Variants in EPHA6 observed in about 807,000 individuals in gnomAD.
EPHA6 encodes ephrin type-A receptor 6.
Under a neutral mutation model 112.0 loss-of-function variants are expected in EPHA6, and 50 were observed. The observed-to-expected ratio is 0.45, with a 90% CI of 0.36 to 0.56. EPHA6 has a LOEUF of 0.56. Ranked by LOEUF, EPHA6 falls within the 20% of genes least tolerant of loss-of-function variation. The probability of loss-of-function intolerance (pLI) is 0.00; values close to 1 mark genes in which losing one functional copy is unlikely to be tolerated. For synonymous variants in EPHA6, 529 were observed against 490.7 expected (o/e 1.08, Z -1.03); for missense variants, 1,280 against 1,417.4 (o/e 0.90, Z 1.56).
At chr3:97,282,768 A>G (rs1047057311) in intron 5 of EPHA6, among the ~76,000 whole-genome samples, 3 of 152,222 alleles carry the variant, frequency 2.0e-5, no homozygotes, top group South Asian at 2.1e-4. Context: ...GTTCTCACTC[A>G]TAAGTGGAGC....
intron 4 of EPHA6, among the ~76,000 whole-genome samples, chr3:97,242,430 A>G (rs890570184): frequency 6.6e-6 from 1 of 151,880 alleles, no homozygotes; most frequent in African/African-American, 2.4e-5. Context: ...CTTTCTCAGA[A>G]TGTTACCTAA....
At chr3:96,960,677 A>T (rs1309401167) in intron 2 of EPHA6, among the ~76,000 whole-genome samples, 1 of 152,150 alleles carries the variant, frequency 6.6e-6, no homozygotes, top group African/African-American at 2.4e-5. Flanking sequence ...TGGATTCTCT[A>T]GTGTTGTTTA....
chr3:96,970,085 T>C (rs1377494897), intron 2 of EPHA6, among the ~76,000 whole-genome samples: 1 of 151,996 alleles, frequency 6.6e-6, no homozygotes, highest in African/African-American at 2.4e-5. Flanking sequence ...AGTGATTTTA[T>C]TGAATCTGTA....
chr3:97,249,766 C>A lies in EPHA6; in HGVS notation c.1606+5479C>A, dbSNP rs879742573. ...ATTGCCTATAACAATAAATCTCTACCCACTGCATTAATAGAGATTGAAGAT... is the reference window on the plus strand; with the variant it reads ...ATTGCCTATAACAATAAATCTCTACACACTGCATTAATAGAGATTGAAGAT... On this transcript the variant is annotated intron_variant, in intron 5 of 17. Transcript: ENST00000389672. 3.1e-4 allele frequency among the ~76,000 whole-genome samples: 47 copies of A among 152,208 alleles called. 1 individual carries two copies. The highest frequency in any genetic ancestry group is 2.0e-3 in the Admixed American group (31 of 15,292).
chr3:97,295,101 A>G (rs1258029845), intron 5 of EPHA6, among the ~76,000 whole-genome samples: 1 of 152,092 alleles, frequency 6.6e-6, no homozygotes, highest in Non-Finnish European at 1.5e-5. Context: ...GAGTTTCTAT[A>G]TCTGGATGAT....
At position 97,447,067 on chromosome 3, in the gene EPHA6, T is replaced by A. The variant is rs181866417; in HGVS notation, c.1732-1501T>A. On this transcript the variant is annotated intron_variant, in intron 6 of 17. Transcript: ENST00000389672. ...TAATAAGCAGTTTTATTATTTGGGG[T>A]ATAAATGGCAAATTCAATTCTTTAG... is the stretch of plus-strand genomic sequence containing the variant. 2.6e-5 allele frequency among the ~76,000 whole-genome samples: 4 copies of A among 152,256 alleles called. No homozygotes were observed. In the East Asian group the frequency reaches 7.7e-4, roughly 29 times the overall value.
intron 1 of EPHA6, among the ~76,000 whole-genome samples, chr3:96,866,042 AAAT>A (rs2036289836): frequency 1.3e-5 from 2 of 152,054 alleles, no homozygotes; most frequent in African/African-American, 4.8e-5. Flanking sequence ...AAATAAAAAA[AAAT>A]CTTATCATAT....
At chr3:96,980,128 T>A (rs1341638552) in intron 2 of EPHA6, among the ~76,000 whole-genome samples, 3 of 152,218 alleles carry the variant, frequency 2.0e-5, no homozygotes, top group Non-Finnish European at 2.9e-5. Context: ...TCCTTGCCCA[T>A]GCCTATGTCC....
chr3:97,528,213 C>T (rs550903112), intron 10 of EPHA6, among the ~76,000 whole-genome samples: 3 of 152,020 alleles, frequency 2.0e-5, no homozygotes, highest in Non-Finnish European at 4.4e-5. Context: ...CTCAAAGTAG[C>T]CTGAGGTTCG....
intron 3 of EPHA6, among the ~76,000 whole-genome samples, chr3:97,001,450 TGTTCTCA>T: frequency 6.6e-6 from 1 of 152,076 alleles, no homozygotes; most frequent in Middle Eastern, 3.4e-3. Context: ...AAATTACTGG[TGTTCTCA>T]GTTATTCATG....
intron 5 of EPHA6, 51 bp downstream of exon 5, chr3:97,244,338 C>T: frequency 2.0e-6 from 3 of 1,474,884 alleles, no homozygotes; most frequent in Non-Finnish European, 2.8e-6. Flanking sequence ...TCTTTTGATG[C>T]ATAAATATCC....
chr3:97,213,997 C>CTGTG (rs10557927), intron 3 of EPHA6, among the ~76,000 whole-genome samples: 1,684 of 128,892 alleles, frequency 0.013, 27 homozygotes, highest in African/African-American at 0.037. Context: ...CTCATGTGTT[C>CTGTG]TGTGTGTGTG....
intron 11 of EPHA6, among the ~76,000 whole-genome samples, chr3:97,535,068 G>A (rs984241812): frequency 6.6e-5 from 9 of 135,926 alleles, no homozygotes; most frequent in Non-Finnish European, 1.1e-4. Context: ...ACACACACAC[G>A]AAAAGGAAAA....
Position 96,932,920 on chromosome 3 carries a change from A to T in EPHA6, c.451-54410A>T, listed in dbSNP as rs187174795. Among the ~76,000 whole-genome samples, 73 of 152,174 alleles carry T rather than the reference A, an allele frequency of 4.8e-4. 2 individuals carry two copies. Among genetic ancestry groups the T allele is most frequent in the African/African-American group, 1.1e-3 (44 of 41,526 alleles). On this transcript the variant is annotated intron_variant, in intron 2 of 17. Transcript: ENST00000389672. ...TGCTTCTCTATGTATGATCTGAAAA[A>T]TTTTTTTTAATTTACTATAGGATTT...
At chr3:96,821,951 A>G (rs2033291084) in intron 1 of EPHA6, among the ~76,000 whole-genome samples, 1 of 151,778 alleles carries the variant, frequency 6.6e-6, no homozygotes, top group Non-Finnish European at 1.5e-5. Context: ...TTTATTTTTC[A>G]ATTACTTGGT....
chr3:97,025,678 T>C (rs555991532), intron 3 of EPHA6, among the ~76,000 whole-genome samples: 1 of 152,266 alleles, frequency 6.6e-6, no homozygotes, highest in African/African-American at 2.4e-5. Context: ...AACCTCTGCC[T>C]CCTGGGTTCA....
chr3:97,396,629 C>T (rs528299241), intron 5 of EPHA6, among the ~76,000 whole-genome samples: 1 of 151,538 alleles, frequency 6.6e-6, no homozygotes, highest in African/African-American at 2.4e-5. Context: ...TTTTTCAATT[C>T]TTTCGTAGCA....
chr3:97,461,617 TCTTG>T (rs1477099054), intron 7 of EPHA6, among the ~76,000 whole-genome samples: 1 of 152,212 alleles, frequency 6.6e-6, no homozygotes, highest in East Asian at 1.9e-4. Flanking sequence ...TTCTTTACCT[TCTTG>T]CATATAGATA....
intron 7 of EPHA6, among the ~76,000 whole-genome samples, chr3:97,456,817 GA>G (rs2090704443): frequency 6.6e-6 from 1 of 151,908 alleles, no homozygotes; most frequent in African/African-American, 2.4e-5. Flanking sequence ...TAAATTGCTT[GA>G]ATTTTTCTTT....
Sources: allele counts gnomAD v4.1 joint callset (sites outside exome capture counted in the v4.1 genomes callset), GRCh38; gene constraint gnomAD v4.1.1; transcripts MANE v1.5; gene names NCBI Gene and HGNC (gene_info 2026-07-23, HGNC 2026-07-21).